The following BTRC variants were observed in gnomAD, a reference collection of about 807,000 sequenced individuals.
BTRC encodes F-box/WD repeat-containing protein 1A.
Under a neutral mutation model 85.5 loss-of-function variants are expected in BTRC, and 42 were observed. The ratio of observed to expected loss-of-function variants is 0.49; its 90% confidence interval spans 0.38 to 0.64. The LOEUF (loss-of-function observed/expected upper bound fraction) is 0.64, where lower values mean the gene tolerates loss of function less well. Ranked by LOEUF, BTRC falls within the 30% of genes least tolerant of loss-of-function variation. The probability of loss-of-function intolerance (pLI) is 0.00; values close to 1 mark genes in which losing one functional copy is unlikely to be tolerated. For synonymous variants in BTRC, 255 were observed against 263.3 expected, an observed-to-expected ratio of 0.97 and a Z score of 0.30; for missense variants, 594 against 743.5, an observed-to-expected ratio of 0.80 and a Z score of 2.34.
At chr10:101,492,377 AG>A (rs1946155697) in intron 4 of BTRC, among the ~76,000 whole-genome samples, 1 of 152,164 alleles carries the variant, frequency 6.6e-6, no homozygotes, top group Non-Finnish European at 1.5e-5. Flanking sequence ...ATATCATGGC[AG>A]GGGGTATAAT....
chr10:101,360,297 C>T (rs1165879052), intron 1 of BTRC, among the ~76,000 whole-genome samples: 4 of 151,338 alleles, frequency 2.6e-5, no homozygotes, highest in Admixed American at 6.6e-5. Flanking sequence ...TCAAGTGATC[C>T]GCCCACCTTG....
At chr10:101,418,659 C>T (rs1319548752) in intron 1 of BTRC, among the ~76,000 whole-genome samples, 1 of 151,294 alleles carries the variant, frequency 6.6e-6, no homozygotes, top group East Asian at 1.9e-4. Flanking sequence ...TATATTTTTT[C>T]TCCCTGGCTG....
intron 8 of BTRC, 149 bp downstream of exon 8, chr10:101,532,581 C>T: frequency 9.2e-7 from 1 of 1,090,946 alleles, no homozygotes; most frequent in Non-Finnish European, 1.3e-6. Flanking sequence ...AAATCATTTC[C>T]TTAAAGGACA....
At chr10:101,523,990 C>T (rs2062156119) in intron 5 of BTRC, among the ~76,000 whole-genome samples, 1 of 152,064 alleles carries the variant, frequency 6.6e-6, no homozygotes, top group Admixed American at 6.6e-5. Context: ...CATTTTAAGG[C>T]TTTTAATACA....
chr10:101,549,976 C>A (rs2062624544), intron 13 of BTRC, among the ~76,000 whole-genome samples: 1 of 152,074 alleles, frequency 6.6e-6, no homozygotes, highest in Admixed American at 6.5e-5. Flanking sequence ...CCGTGGAAAT[C>A]TACCGATGGT....
At chr10:101,473,463 C>CTT (rs1945591471) in intron 3 of BTRC, among the ~76,000 whole-genome samples, 1 of 125,388 alleles carries the variant, frequency 8.0e-6, no homozygotes, top group Non-Finnish European at 1.6e-5. Context: ...TTTCTTTTTT[C>CTT]TCTTTTTTTT....
intron 1 of BTRC, among the ~76,000 whole-genome samples, chr10:101,387,693 A>G (rs1436470799): frequency 7.3e-6 from 1 of 137,856 alleles, no homozygotes; most frequent in African/African-American, 2.7e-5. Context: ...CACCCGGCTG[A>G]TTTTTTTTTT....
intron 4 of BTRC, among the ~76,000 whole-genome samples, chr10:101,481,521 C>G (rs1945832964): frequency 6.6e-6 from 1 of 150,748 alleles, no homozygotes; most frequent in South Asian, 2.1e-4. Context: ...GCCAGGATCT[C>G]TAATCTAAAT....
intron 4 of BTRC, among the ~76,000 whole-genome samples, chr10:101,505,700 T>G (rs1476766873): frequency 1.3e-5 from 2 of 152,124 alleles, no homozygotes; most frequent in East Asian, 3.9e-4. Context: ...TGTTGATAGT[T>G]GAAATTATGG....
At chr10:101,385,618 C>CTTTTTTTTTTTTTTTT (rs36030307) in intron 1 of BTRC, among the ~76,000 whole-genome samples, 17 of 79,788 alleles carry the variant, frequency 2.1e-4, no homozygotes, top group East Asian at 3.2e-4. Context: ...TCTTCTTCTT[C>CTTTTTTTTTTTTTTTT]TTTTTTTTTT....
intron 4 of BTRC, among the ~76,000 whole-genome samples, chr10:101,517,404 G>A (rs1249357326): frequency 6.6e-6 from 1 of 152,136 alleles, no homozygotes; most frequent in Non-Finnish European, 1.5e-5. Context: ...TAGCCTGAGT[G>A]ACAGAACAAG....
At chr10:101,392,558 G>A (rs950670539) in intron 1 of BTRC, among the ~76,000 whole-genome samples, 1 of 151,984 alleles carries the variant, frequency 6.6e-6, no homozygotes, top group African/African-American at 2.4e-5. Context: ...GTGCAGTGGC[G>A]GCATGGTCTT....
intron 2 of BTRC, among the ~76,000 whole-genome samples, chr10:101,432,125 T>C (rs891179870): frequency 2.7e-4 from 36 of 134,296 alleles, no homozygotes; most frequent in African/African-American, 8.6e-4. Context: ...GTGAAATATC[T>C]TTTTTTTCCT....
chr10:101,381,526 A>G (rs1280036575), intron 1 of BTRC, among the ~76,000 whole-genome samples: 1 of 152,220 alleles, frequency 6.6e-6, no homozygotes, highest in Non-Finnish European at 1.5e-5. Context: ...TAGAAGTTAT[A>G]TGTGAACTGT....
Position 101,461,832 on chromosome 10 carries a change from A to G in BTRC, c.157-149A>G, listed in dbSNP as rs568240174. 7.2e-5 allele frequency: 37 copies of G among 516,722 alleles called. No homozygotes were observed. The East Asian group carries it at 1.2e-3, about 16-fold the overall frequency. 32.0% of individuals were successfully genotyped at this position (516,722 alleles called of 1,614,324 possible). On this transcript the variant is annotated intron_variant, in intron 2 of 14. Transcript: ENST00000370187. ...CATATGTTTTCTTTTACATATGTGTATATCTGTATGTATACAAATCTTCAA... is the reference window on the plus strand; with the variant it reads ...CATATGTTTTCTTTTACATATGTGTGTATCTGTATGTATACAAATCTTCAA...
chr10:101,400,041 A>G (rs1180943973), intron 1 of BTRC, among the ~76,000 whole-genome samples: 1 of 152,220 alleles, frequency 6.6e-6, no homozygotes, highest in Non-Finnish European at 1.5e-5. Flanking sequence ...GCAATCAAAT[A>G]GCCAATAACC....
chr10:101,438,520 A>G (rs1944597385), intron 2 of BTRC, among the ~76,000 whole-genome samples: 1 of 151,752 alleles, frequency 6.6e-6, no homozygotes, highest in African/African-American at 2.4e-5. Flanking sequence ...ATACATATAT[A>G]CTACATTGTG....
chr10:101,531,529 G>A (rs1466463553), intron 7 of BTRC, among the ~76,000 whole-genome samples, 196 bp downstream of exon 7: 1 of 152,038 alleles, frequency 6.6e-6, no homozygotes, highest in Non-Finnish European at 1.5e-5. Flanking sequence ...AGACCAGCCT[G>A]GCTAACATGG....
chr10:101,521,773 G>A lies in BTRC; in HGVS notation c.459G>A (p.Val153=). The change falls in exon 5 of 15, where the codon GTG becomes GTA. Residue 153 remains valine (V), a synonymous_variant. Transcript: ENST00000370187. ...QWSESDQVEF[V]EHLISQMCHY... ...CAGAGTCAGATCAAGTGGAATTTGT[G>A]GAACATCTTATATCCCAAATGTGTC... 2 of 1,614,008 alleles carry A rather than the reference G, an allele frequency of 1.2e-6. No homozygotes were observed. The highest frequency in any genetic ancestry group is 1.7e-6 in the Non-Finnish European group (2 of 1,179,950).
Sources: gnomAD v4.1 joint callset for allele counts (sites outside exome capture counted in the v4.1 genomes callset) on GRCh38, gnomAD v4.1.1 for gene constraint, MANE v1.5 for transcripts, NCBI Gene and HGNC (gene_info 2026-07-23, HGNC 2026-07-21) for gene names.